Variants in DRD3 observed in about 807,000 individuals in gnomAD.
DRD3 encodes the protein D(3) dopamine receptor.
In DRD3, 19 loss-of-function variants were observed where a neutral mutation model predicts 36.3. The ratio of observed to expected loss-of-function variants is 0.52; its 90% CI spans 0.36 to 0.77. The LOEUF is 0.77. Ranked by LOEUF, DRD3 falls within the 30% of genes least tolerant of loss-of-function variation. DRD3 has a pLI of 0.00. For synonymous variants in DRD3, 195 were observed against 203.7 expected, an observed-to-expected ratio of 0.96 and a Z score of 0.36; for missense variants, 465 against 505.3, an observed-to-expected ratio of 0.92 and a Z score of 0.77.
intron 1 of DRD3, among the ~76,000 whole-genome samples, chr3:114,176,532 G>T (rs1431412635): frequency 6.6e-6 from 1 of 152,118 alleles, no homozygotes; most frequent in East Asian, 1.9e-4. Context: ...TTGAGTCCAG[G>T]AGTTAGAGGC....
At chr3:114,176,489 C>A (rs911383626) in intron 1 of DRD3, among the ~76,000 whole-genome samples, 2 of 152,076 alleles carry the variant, frequency 1.3e-5, no homozygotes, top group African/African-American at 4.8e-5. Flanking sequence ...CCTGTATTCC[C>A]AGCTACTCGA....
intron 4 of DRD3, among the ~76,000 whole-genome samples, chr3:114,143,180 T>G (rs2077541340): frequency 6.6e-6 from 1 of 152,224 alleles, no homozygotes; most frequent in Admixed American, 6.5e-5. Context: ...ATTGAGCAAG[T>G]GCATAAATAA....
At chr3:114,180,884 G>A (rs2107897518), upstream of DRD3, among the ~76,000 whole-genome samples, 1 of 152,264 alleles carries the variant, frequency 6.6e-6, no homozygotes, top group Non-Finnish European at 1.5e-5. Context: ...AGGGAGTAAT[G>A]TCAGGCTGTT....
intron 1 of DRD3, among the ~76,000 whole-genome samples, chr3:114,186,522 C>T (rs961434835): frequency 6.6e-6 from 1 of 152,198 alleles, no homozygotes; most frequent in African/African-American, 2.4e-5. Context: ...TTGTCTGAAT[C>T]TCTGTGATCA....
At chr3:114,156,787 CTTTCTTTCTTTCTCTTTTCTTTT>C (rs2077679854) in intron 3 of DRD3, among the ~76,000 whole-genome samples, 1 of 74,718 alleles carries the variant, frequency 1.3e-5, no homozygotes, top group African/African-American at 4.7e-5. Context: ...TTCTTTCTTT[CTTTCTTTCTTTCTCTTTTCTTTT>C]TCTTTCTTTT....
chr3:114,188,603 T>C (rs1395245136), intron 1 of DRD3, among the ~76,000 whole-genome samples: 1 of 152,216 alleles, frequency 6.6e-6, no homozygotes, highest in Non-Finnish European at 1.5e-5. Context: ...CGTATTCATA[T>C]TCTCAGTGCA....
At chr3:114,192,249 G>C (rs1366354921) in intron 1 of DRD3, among the ~76,000 whole-genome samples, 1 of 152,154 alleles carries the variant, frequency 6.6e-6, no homozygotes, top group South Asian at 2.1e-4. Context: ...GGGACCAATT[G>C]CTATGAAAAT....
At chr3:114,164,220 C>CAAAAAAAAAAAAAAAAAAAAA (rs34500434) in intron 2 of DRD3, among the ~76,000 whole-genome samples, 4 of 17,776 alleles carry the variant, frequency 2.3e-4, no homozygotes, top group Admixed American at 1.4e-3. Flanking sequence ...GCCTCAGTCT[C>CAAAAAAAAAAAAAAAAAAAAA]AAAAAAAAAA....
At chr3:114,194,288 GT>G in intron 1 of DRD3, among the ~76,000 whole-genome samples, 1 of 151,990 alleles carries the variant, frequency 6.6e-6, no homozygotes, top group Admixed American at 6.6e-5. Flanking sequence ...TTTTTTGTTT[GT>G]TTTTGTTTTT....
chr3:114,170,236 A>G (rs933401382), intron 2 of DRD3, among the ~76,000 whole-genome samples: 5 of 152,240 alleles, frequency 3.3e-5, no homozygotes, highest in African/African-American at 1.2e-4. Flanking sequence ...TCTGAGTGTA[A>G]CAATAGATAG....
chr3:114,171,328 C>T (rs1236504916), intron 2 of DRD3, among the ~76,000 whole-genome samples: 1 of 152,094 alleles, frequency 6.6e-6, no homozygotes, highest in Non-Finnish European at 1.5e-5. Context: ...CCTCACATCC[C>T]TCCTGCACAC....
chr3:114,134,854 T>G lies in DRD3; in HGVS notation c.724-3454A>C, dbSNP rs2077461679. Among the ~76,000 whole-genome samples, 4 of 152,252 alleles carry G rather than the reference T, an allele frequency of 2.6e-5. No individual in the cohort carries two copies. In the South Asian group the frequency reaches 6.2e-4, roughly 24 times the overall value. On this transcript the variant is annotated intron_variant, in intron 5 of 6. Coordinates refer to ENST00000383673, the MANE Select transcript of DRD3 (RefSeq NM_000796.6). Reference sequence around the variant, plus strand: ...TTGTGGGGCAAATGCAATATTTTGATACATGCATACAATGTGTAATGATCA... The same window carrying G: ...TTGTGGGGCAAATGCAATATTTTGAGACATGCATACAATGTGTAATGATCA...
intron 1 of DRD3, among the ~76,000 whole-genome samples, chr3:114,173,639 G>A (rs1023313602): frequency 5.9e-5 from 9 of 152,184 alleles, no homozygotes; most frequent in Non-Finnish European, 1.0e-4. Flanking sequence ...AGGGGTGGGG[G>A]CCCAGCTTCT....
intron 1 of DRD3, among the ~76,000 whole-genome samples, chr3:114,193,958 C>T (rs574819062): frequency 6.6e-6 from 1 of 152,252 alleles, no homozygotes; most frequent in East Asian, 1.9e-4. Flanking sequence ...TGTCATTACA[C>T]ATTCTGCACT....
chr3:114,190,460 A>T (rs1410273983), intron 1 of DRD3, among the ~76,000 whole-genome samples: 3 of 7,656 alleles, frequency 3.9e-4, no homozygotes, highest in Admixed American at 4.6e-3. Context: ...ATATATATAT[A>T]TATTTTTTTT....
At chr3:114,176,722 T>A (rs918160765) in intron 1 of DRD3, among the ~76,000 whole-genome samples, 1 of 152,164 alleles carries the variant, frequency 6.6e-6, no homozygotes, top group Non-Finnish European at 1.5e-5. Flanking sequence ...ATTTCACAGA[T>A]CTCTGGCTGT....
intron 4 of DRD3, among the ~76,000 whole-genome samples, chr3:114,141,331 G>A (rs1300718053): frequency 6.6e-6 from 1 of 152,170 alleles, no homozygotes; most frequent in Non-Finnish European, 1.5e-5. Context: ...ACTGCACCCA[G>A]CTGACACATT....
intron 1 of DRD3, among the ~76,000 whole-genome samples, chr3:114,172,622 G>A (rs2077858031): frequency 6.6e-6 from 1 of 152,172 alleles, no homozygotes; most frequent in Non-Finnish European, 1.5e-5. Context: ...CTCTGAGTGA[G>A]ATGGGAAGCT....
At chr3:114,186,838 G>T (rs1460609903) in intron 1 of DRD3, among the ~76,000 whole-genome samples, 17 of 152,224 alleles carry the variant, frequency 1.1e-4, no homozygotes, top group Middle Eastern at 3.2e-3. Context: ...GATTCCTGGT[G>T]CTTCCTACTC....
Sources: allele counts gnomAD v4.1 joint callset (sites outside exome capture counted in the v4.1 genomes callset), GRCh38; gene constraint gnomAD v4.1.1; transcripts MANE v1.5; gene names NCBI Gene and HGNC (gene_info 2026-07-23, HGNC 2026-07-21).